Variants in ITSN1 observed in about 807,000 individuals in gnomAD.
ITSN1 encodes the protein intersectin-1.
Under a neutral mutation model 239.8 loss-of-function variants are expected in ITSN1, and 58 were observed. That is an observed-to-expected ratio of 0.24 (90% CI 0.20 to 0.30). The LOEUF (loss-of-function observed/expected upper bound fraction) is 0.30. ITSN1 is among the 10% of genes least tolerant of loss of function. The pLI, the probability that ITSN1 is intolerant of heterozygous loss-of-function variation, is 1.00. For missense variants in ITSN1, 1,558 were observed against 2,103.3 expected, an observed-to-expected ratio of 0.74 and a Z score of 5.07; for synonymous variants, 780 against 770.8, an observed-to-expected ratio of 1.01 and a Z score of -0.20.
At chr21:33,867,001 T>G (rs2148505863) in intron 32 of ITSN1, among the ~76,000 whole-genome samples, 1 of 150,556 alleles carries the variant, frequency 6.6e-6, no homozygotes, top group Middle Eastern at 3.4e-3. Flanking sequence ...GAATCCAGAG[T>G]GCAGGGCTTA....
At chr21:33,810,070 G>C (rs937628153) in intron 20 of ITSN1, among the ~76,000 whole-genome samples, 1 of 152,164 alleles carries the variant, frequency 6.6e-6, no homozygotes, top group Non-Finnish European at 1.5e-5. Context: ...GGGATTACAG[G>C]CATGAGCCAC....
At chr21:33,728,882 A>C (rs2065994186) in intron 4 of ITSN1, among the ~76,000 whole-genome samples, 4 of 148,322 alleles carry the variant, frequency 2.7e-5, no homozygotes, top group South Asian at 2.1e-4. Flanking sequence ...CCAGCCCCCC[A>C]CTCCCCCCTG....
chr21:33,714,915 A>G (rs2065051613), intron 1 of ITSN1, among the ~76,000 whole-genome samples: 1 of 152,186 alleles, frequency 6.6e-6, no homozygotes. Context: ...TACAAATTCT[A>G]GGATAATTCA....
At chr21:33,749,221 C>G (rs2067388403) in intron 5 of ITSN1, among the ~76,000 whole-genome samples, 1 of 152,120 alleles carries the variant, frequency 6.6e-6, no homozygotes, top group Admixed American at 6.5e-5. Context: ...GACTCCTGCC[C>G]TCAAGAGATC....
chr21:33,766,247 C>T (rs923306405), intron 10 of ITSN1, among the ~76,000 whole-genome samples: 1 of 152,150 alleles, frequency 6.6e-6, no homozygotes, highest in African/African-American at 2.4e-5. Context: ...TGTTGATTTT[C>T]TACCAACCTA....
intron 24 of ITSN1, 49 bp downstream of exon 24, chr21:33,819,372 TG>T: frequency 7.5e-7 from 1 of 1,324,752 alleles, no homozygotes; most frequent in Non-Finnish European, 1.1e-6. Flanking sequence ...AAGGACATTG[TG>T]TAAATGTTTG....
At chr21:33,740,159 A>G (rs1418014679) in intron 5 of ITSN1, among the ~76,000 whole-genome samples, 1 of 152,134 alleles carries the variant, frequency 6.6e-6, no homozygotes, top group East Asian at 1.9e-4. Flanking sequence ...TTTAAAGGAG[A>G]AATTAAGAGT....
intron 3 of ITSN1, among the ~76,000 whole-genome samples, chr21:33,721,718 C>T (rs975086172): frequency 6.6e-6 from 1 of 151,212 alleles, no homozygotes; most frequent in South Asian, 2.1e-4. Context: ...TGTTTGAACC[C>T]TAGAGGCAGA....
At chr21:33,848,530 G>A (rs997683354) in intron 29 of ITSN1, among the ~76,000 whole-genome samples, 4 of 152,148 alleles carry the variant, frequency 2.6e-5, no homozygotes, top group South Asian at 2.1e-4. Flanking sequence ...TGAGCTCTAG[G>A]GTCAGACTCC....
intron 26 of ITSN1, chr21:33,828,931 G>A (rs1188329748): frequency 4.3e-6 from 2 of 469,930 alleles, no homozygotes; most frequent in Admixed American, 4.8e-5. Flanking sequence ...TCCCTGTGCT[G>A]AATTGTTTTT....
chr21:33,838,371 C>A, intron 29 of ITSN1: 7 of 985,306 alleles, frequency 7.1e-6, no homozygotes, highest in Non-Finnish European at 8.4e-6. Context: ...CGTTCAGTTG[C>A]ACTTCAGTAT....
At chr21:33,819,708 C>T (rs893419262) in intron 24 of ITSN1, among the ~76,000 whole-genome samples, 2 of 152,158 alleles carry the variant, frequency 1.3e-5, no homozygotes, top group South Asian at 2.1e-4. Flanking sequence ...ACAGGCCGGG[C>T]GCGGTGGCTC....
At chr21:33,703,185 CGT>C (rs1491389184) in intron 1 of ITSN1, among the ~76,000 whole-genome samples, 1 of 148,812 alleles carries the variant, frequency 6.7e-6, no homozygotes. Context: ...AATATATATG[CGT>C]ATATATATAA....
At chr21:33,737,661 C>T (rs1047352173) in intron 5 of ITSN1, among the ~76,000 whole-genome samples, 2 of 152,068 alleles carry the variant, frequency 1.3e-5, no homozygotes, top group Non-Finnish European at 2.9e-5. Context: ...GCAACCTCTG[C>T]CTCCCGGGTT....
chr21:33,691,734 G>A (rs1030580565), intron 1 of ITSN1, among the ~76,000 whole-genome samples: 3 of 152,150 alleles, frequency 2.0e-5, no homozygotes, highest in Non-Finnish European at 4.4e-5. Context: ...CCTGGTGAGG[G>A]CCCTCTTTGT....
intron 29 of ITSN1, among the ~76,000 whole-genome samples, chr21:33,841,062 A>C (rs1312582083): frequency 1.3e-5 from 2 of 152,204 alleles, no homozygotes; most frequent in African/African-American, 2.4e-5. Context: ...CTGCCTCTGC[A>C]TAAAAGGGTG....
intron 1 of ITSN1, among the ~76,000 whole-genome samples, chr21:33,651,738 A>G (rs1435102085): frequency 6.6e-6 from 1 of 152,214 alleles, no homozygotes. Context: ...TGTCTATAGA[A>G]GCTGTTCTCT....
At chr21:33,770,990 T>C (rs1023700306) in intron 11 of ITSN1, among the ~76,000 whole-genome samples, 1 of 152,032 alleles carries the variant, frequency 6.6e-6, no homozygotes, top group African/African-American at 2.4e-5. Context: ...GGTATGGAAC[T>C]CCTGACCTCA....
At chr21:33,706,563 T>C (rs1028987728) in intron 1 of ITSN1, among the ~76,000 whole-genome samples, 1 of 152,034 alleles carries the variant, frequency 6.6e-6, no homozygotes, top group East Asian at 1.9e-4. Flanking sequence ...CAACATAGAC[T>C]ATGCTTCACC....
Sources: gnomAD v4.1 joint callset for allele counts (sites outside exome capture counted in the v4.1 genomes callset) on GRCh38, gnomAD v4.1.1 for gene constraint, MANE v1.5 for transcripts, NCBI Gene and HGNC (gene_info 2026-07-23, HGNC 2026-07-21) for gene names.